SCFD2: variants seen among roughly 807,000 people sequenced by gnomAD.
SCFD2 encodes sec1 family domain-containing protein 2.
SCFD2 carries 54 observed loss-of-function variants against 58.9 expected under a neutral mutation model. That is an observed-to-expected ratio of 0.92 (90% CI 0.74 to 1.15). The LOEUF is 1.15. Among genes scored for constraint, SCFD2 ranks in the 50% most tolerant of loss-of-function variants. The pLI, the probability that SCFD2 is intolerant of heterozygous loss-of-function variation, is 0.00. For synonymous variants in SCFD2, 321 were observed against 335.9 expected (o/e 0.96, Z 0.49); for missense variants, 805 against 836.6 (o/e 0.96, Z 0.47).
chr4:52,912,359 G>C (rs375987117), intron 6 of SCFD2, among the ~76,000 whole-genome samples: 2 of 152,120 alleles, frequency 1.3e-5, no homozygotes, highest in African/African-American at 4.8e-5. Flanking sequence ...GCAAGAATCA[G>C]GGGCTAGAAA....
chr4:52,930,011 A>T (rs752949463), intron 5 of SCFD2, among the ~76,000 whole-genome samples: 5 of 152,184 alleles, frequency 3.3e-5, no homozygotes, highest in Admixed American at 2.6e-4. Flanking sequence ...ACTACTTTAA[A>T]ATTCATATGG....
chr4:53,081,266 C>T (rs1724138758), intron 5 of SCFD2, among the ~76,000 whole-genome samples: 2 of 152,072 alleles, frequency 1.3e-5, no homozygotes, highest in African/African-American at 4.8e-5. Flanking sequence ...TTTATTTCAA[C>T]TTTTATTTTA....
intron 5 of SCFD2, among the ~76,000 whole-genome samples, chr4:53,035,738 C>G (rs1189297589): frequency 6.6e-6 from 1 of 152,200 alleles, no homozygotes; most frequent in Non-Finnish European, 1.5e-5. Context: ...CTTATCATCA[C>G]TGGTCATTAG....
chr4:53,051,073 T>C (rs913933349), intron 5 of SCFD2, among the ~76,000 whole-genome samples: 16 of 152,190 alleles, frequency 1.1e-4, no homozygotes, highest in African/African-American at 3.9e-4. Flanking sequence ...CCTGGCTAAA[T>C]TGCAAGTTCC....
chr4:53,033,617 T>TAA (rs1211333180), intron 5 of SCFD2, among the ~76,000 whole-genome samples: 1 of 151,620 alleles, frequency 6.6e-6, no homozygotes, highest in South Asian at 2.1e-4. Flanking sequence ...ATAGATGCAA[T>TAA]AAAAAAAGAT....
In SCFD2 at chr4:53,119,792, G is replaced by A. The variant is rs189228195; in HGVS notation, c.1561+25541C>T. ...AACACAGATGAAACCCAGAACCCTG[G>A]GGCCAATCAGCAGTGACATCACACC... On this transcript the variant is annotated intron_variant, in intron 5 of 8. Coordinates refer to ENST00000401642, the MANE Select transcript of SCFD2 (RefSeq NM_152540.4). Among the ~76,000 whole-genome samples the A allele has an allele frequency of 4.1e-4, 63 of 152,236 alleles. 1 individual carries two copies. Among genetic ancestry groups the A allele is most frequent in the Non-Finnish European group, 5.9e-4 (40 of 68,020 alleles).
chr4:52,973,051 C>A (rs1232773783), intron 5 of SCFD2, among the ~76,000 whole-genome samples: 1 of 152,100 alleles, frequency 6.6e-6, no homozygotes, highest in African/African-American at 2.4e-5. Flanking sequence ...ACTAAATGCC[C>A]ACAAGAGAAA....
At chr4:52,904,216 G>T (rs538848289) in intron 7 of SCFD2, among the ~76,000 whole-genome samples, 1 of 152,166 alleles carries the variant, frequency 6.6e-6, no homozygotes, top group African/African-American at 2.4e-5. Context: ...ATGGATGAGC[G>T]GCTCAGCTAG....
chr4:52,887,748 G>A (rs1355130290), intron 7 of SCFD2, among the ~76,000 whole-genome samples: 5 of 152,174 alleles, frequency 3.3e-5, no homozygotes, highest in South Asian at 2.1e-4. Context: ...CCAACACAAC[G>A]CATCTGTGGG....
chr4:52,979,207 C>A (rs116808803), intron 5 of SCFD2, among the ~76,000 whole-genome samples: 3,768 of 152,160 alleles, frequency 0.025, 70 homozygotes, highest in Admixed American at 0.054. Flanking sequence ...TCCTAAGAGA[C>A]CTCTACAGAT....
intron 3 of SCFD2, among the ~76,000 whole-genome samples, chr4:53,289,856 C>A (rs1731785711): frequency 6.6e-6 from 1 of 152,084 alleles, no homozygotes; most frequent in African/African-American, 2.4e-5. Context: ...ATAAAATAGA[C>A]TTCAAGTCAA....
At chr4:53,338,569 A>ATTTTTTTTTTTTTTTTTT (rs1454636023) in intron 2 of SCFD2, among the ~76,000 whole-genome samples, 6 of 58,370 alleles carry the variant, frequency 1.0e-4, no homozygotes, top group East Asian at 5.3e-4. Context: ...AAAGCAGTAT[A>ATTTTTTTTTTTTTTTTTT]TTTTTCTTTT....
intron 4 of SCFD2, among the ~76,000 whole-genome samples, chr4:53,271,540 G>A (rs768790377): frequency 6.6e-6 from 1 of 151,580 alleles, no homozygotes; most frequent in Non-Finnish European, 1.5e-5. Flanking sequence ...TCAGCTCACT[G>A]CAACCTCTGC....
intron 4 of SCFD2, among the ~76,000 whole-genome samples, chr4:53,166,189 AT>A (rs1437261777): frequency 6.6e-6 from 1 of 152,218 alleles, no homozygotes; most frequent in African/African-American, 2.4e-5. Flanking sequence ...GAATATTTAA[AT>A]TGTCTCTACT....
intron 4 of SCFD2, among the ~76,000 whole-genome samples, chr4:53,265,758 T>G (rs1432417971): frequency 6.6e-6 from 1 of 152,094 alleles, no homozygotes; most frequent in African/African-American, 2.4e-5. Flanking sequence ...ATTTATTTAT[T>G]TATTTATTTG....
At chr4:53,201,194 G>C (rs1219575322) in intron 4 of SCFD2, among the ~76,000 whole-genome samples, 1 of 150,176 alleles carries the variant, frequency 6.7e-6, no homozygotes, top group Admixed American at 6.6e-5. Flanking sequence ...CCCACAACAG[G>C]CCCCAGTGTG....
At chr4:53,077,657 C>T (rs1448650585) in intron 5 of SCFD2, among the ~76,000 whole-genome samples, 3 of 152,040 alleles carry the variant, frequency 2.0e-5, no homozygotes, top group Non-Finnish European at 4.4e-5. Context: ...AGGCTGGTCT[C>T]GAACTCCCGA....
intron 5 of SCFD2, among the ~76,000 whole-genome samples, chr4:53,059,715 T>A (rs1203248098): frequency 6.6e-6 from 1 of 152,114 alleles, no homozygotes; most frequent in Non-Finnish European, 1.5e-5. Context: ...TTTACCTCAA[T>A]TCAAGCCTCC....
At chr4:53,152,926 A>G (rs1038998620) in intron 4 of SCFD2, among the ~76,000 whole-genome samples, 2 of 152,192 alleles carry the variant, frequency 1.3e-5, no homozygotes, top group Non-Finnish European at 2.9e-5. Context: ...CTTTGACTCT[A>G]TGTCTCACAT....
Sources: gnomAD v4.1 joint callset for allele counts (sites outside exome capture counted in the v4.1 genomes callset) on GRCh38, gnomAD v4.1.1 for gene constraint, MANE v1.5 for transcripts, NCBI Gene and HGNC (gene_info 2026-07-23, HGNC 2026-07-21) for gene names.